RALGAPA2: variants seen among roughly 807,000 people sequenced by gnomAD.
The protein encoded by RALGAPA2 is Ral GTPase activating protein catalytic subunit alpha 2, also known as ral GTPase-activating protein subunit alpha-2.
A neutral mutation model predicts 230.4 loss-of-function variants in RALGAPA2; 139 were observed. The ratio of observed to expected loss-of-function variants is 0.60; its 90% CI spans 0.53 to 0.69. The LOEUF (loss-of-function observed/expected upper bound fraction) is 0.69. Among genes scored for constraint, RALGAPA2 ranks in the 30% least tolerant of loss-of-function variants. The probability of loss-of-function intolerance (pLI) is 0.00; values close to 1 mark genes in which losing one functional copy is unlikely to be tolerated. For missense variants in RALGAPA2, 2,163 were observed against 2,276.0 expected (o/e 0.95, Z 1.01); for synonymous variants, 847 against 837.8 (o/e 1.01, Z -0.19).
chr20:20,568,988 A>G (rs775892681), intron 23 of RALGAPA2, among the ~76,000 whole-genome samples: 1 of 152,224 alleles, frequency 6.6e-6, no homozygotes, highest in Non-Finnish European at 1.5e-5. Flanking sequence ...CTCACAAAAT[A>G]GAAAGAAGCC....
At chr20:20,553,268 G>A (rs1322804645) in intron 23 of RALGAPA2, among the ~76,000 whole-genome samples, 2 of 152,174 alleles carry the variant, frequency 1.3e-5, no homozygotes, top group Non-Finnish European at 2.9e-5. Flanking sequence ...AAATTGCCTA[G>A]TGGCAGGGCA....
intron 1 of RALGAPA2, among the ~76,000 whole-genome samples, chr20:20,683,437 C>G (rs998515163): frequency 3.9e-5 from 6 of 152,178 alleles, no homozygotes; most frequent in African/African-American, 1.4e-4. Context: ...CCTGATTTCC[C>G]CCACTCAACA....
At position 20,712,274 on chromosome 20, in the gene RALGAPA2, C is replaced by A; in HGVS notation, c.106+101G>T. ...GGGGGTCGGACGCCCACCCATCCCC[C>A]TCCCCAGCCTCCCAGCCACCGACCC... On this transcript the variant is annotated intron_variant, in intron 1 of 39. Transcript: ENST00000202677. This position sits in a 1 kb window ranked among gnomAD's most constrained non-coding sequence, Gnocchi z 5.5. 22 of 972,126 alleles carry A rather than the reference C, an allele frequency of 2.3e-5. No homozygotes were observed. The highest frequency in any genetic ancestry group is 4.1e-5 in the East Asian group (1 of 24,366). The allele number at this position is 972,126 out of a possible 1,614,324, so 60.2% of individuals were successfully genotyped here. A position where few individuals can be genotyped will look rare whatever the true frequency, so the allele number is the denominator to read the frequency against.
intron 3 of RALGAPA2, among the ~76,000 whole-genome samples, chr20:20,664,271 T>C (rs1217685125): frequency 6.6e-6 from 1 of 152,186 alleles, no homozygotes; most frequent in Non-Finnish European, 1.5e-5. Flanking sequence ...GTACAAAAAA[T>C]GCAACCTTCA....
At chr20:20,574,967 G>C (rs2064772987) in intron 20 of RALGAPA2, among the ~76,000 whole-genome samples, 1 of 152,094 alleles carries the variant, frequency 6.6e-6, no homozygotes, top group South Asian at 2.1e-4. Flanking sequence ...CTTCCATGTT[G>C]TTTAATGTAG....
At chr20:20,711,590 G>T (rs554281138) in intron 1 of RALGAPA2, among the ~76,000 whole-genome samples, 7 of 152,240 alleles carry the variant, frequency 4.6e-5, no homozygotes, top group Admixed American at 2.0e-4. Flanking sequence ...TTCATCACAG[G>T]TCAACTCCAA....
chr20:20,407,518 G>A lies in RALGAPA2; in HGVS notation c.5617+4509C>T, dbSNP rs114369112. On this transcript the variant is annotated intron_variant, in intron 38 of 39. Coordinates refer to ENST00000202677, the MANE Select transcript of RALGAPA2 (RefSeq NM_020343.4). ...GGAGGCCTTAGCAAGCAAAAGCTGGGTGTAGCCATATCCCTCTGGGCAAAG... is the reference window on the plus strand; with the variant it reads ...GGAGGCCTTAGCAAGCAAAAGCTGGATGTAGCCATATCCCTCTGGGCAAAG... Among the ~76,000 whole-genome samples the A allele has an allele frequency of 4.9e-3, 744 of 152,356 alleles. 2 individuals are homozygous for A. The highest frequency in any genetic ancestry group is 0.017 in the African/African-American group (692 of 41,574).
chr20:20,480,965 C>T (rs1168653034), intron 36 of RALGAPA2, among the ~76,000 whole-genome samples: 2 of 152,178 alleles, frequency 1.3e-5, no homozygotes, highest in Non-Finnish European at 2.9e-5. Flanking sequence ...TTAGGAGCTG[C>T]TTGTGGAGCC....
At chr20:20,683,275 C>T (rs1260856972) in intron 1 of RALGAPA2, among the ~76,000 whole-genome samples, 1 of 152,186 alleles carries the variant, frequency 6.6e-6, no homozygotes, top group East Asian at 1.9e-4. Context: ...GCCTGGGTTC[C>T]CTGCTTCCAC....
intron 13 of RALGAPA2, among the ~76,000 whole-genome samples, chr20:20,615,262 G>A (rs2066102280): frequency 6.6e-6 from 1 of 151,532 alleles, no homozygotes; most frequent in African/African-American, 2.4e-5. Context: ...CCGGGTTCAA[G>A]CGATTCTCCT....
intron 4 of RALGAPA2, among the ~76,000 whole-genome samples, chr20:20,648,101 GAATA>G (rs376498635): frequency 5.2e-4 from 79 of 152,196 alleles, no homozygotes; most frequent in African/African-American, 1.8e-3. Flanking sequence ...ATCAATACCT[GAATA>G]AATTATGGAA....
intron 37 of RALGAPA2, among the ~76,000 whole-genome samples, chr20:20,434,929 A>G (rs148430818): frequency 1.3e-3 from 202 of 152,312 alleles, no homozygotes; most frequent in African/African-American, 4.7e-3. Flanking sequence ...CAGTGAGACC[A>G]TGTCTCAAAA....
At position 20,513,248 on chromosome 20, in the gene RALGAPA2, G is replaced by A; in HGVS notation, c.4121C>T (p.Thr1374Ile). Residue 1374 changes from threonine (T) to isoleucine (I), a missense_variant, in exon 32 of 40, where the codon ACT becomes ATT. By Grantham distance (89) the Thr-to-Ile change is moderately conservative. Transcript: ENST00000202677. ...CAGGTGGGCCATCACCATTCGAGCA[G>A]TCAAAGGGATCAACTCCAAACTTCT... The part of the protein sequence containing the change: ...KRRSLELIPL[T>I]ARMVMAHLVN... 6.7e-7 allele frequency: 1 copy of A among 1,493,854 alleles called. No homozygotes were observed. Among genetic ancestry groups the A allele is most frequent in the Non-Finnish European group, 8.9e-7 (1 of 1,123,060 alleles). 92.5% of individuals were successfully genotyped at this position (1,493,854 alleles called of 1,614,324 possible).
At position 20,584,731 on chromosome 20, in the gene RALGAPA2, T is replaced by C. The variant is rs867190769; in HGVS notation, c.2530+134A>G. 4 of 627,498 alleles carry C rather than the reference T, an allele frequency of 6.4e-6. No homozygotes were observed. The South Asian group carries it at 8.2e-5, about 13-fold the overall frequency. 38.9% of individuals were successfully genotyped at this position (627,498 alleles called of 1,614,324 possible). A position where few individuals can be genotyped will look rare whatever the true frequency, so the allele number is the denominator to read the frequency against. Reference sequence around the variant, plus strand: ...GGGAGGTTGAGGCTGCAGTGAGCCATGATTGTGCCAGAGCACTCCAGCCTG... The same window carrying C: ...GGGAGGTTGAGGCTGCAGTGAGCCACGATTGTGCCAGAGCACTCCAGCCTG... On this transcript the variant is annotated intron_variant, in intron 19 of 39. Coordinates refer to ENST00000202677, the MANE Select transcript of RALGAPA2 (RefSeq NM_020343.4).
chr20:20,461,778 C>G (rs2061307338), intron 37 of RALGAPA2, among the ~76,000 whole-genome samples: 1 of 152,184 alleles, frequency 6.6e-6, no homozygotes, highest in South Asian at 2.1e-4. Context: ...CCTGCCCTAC[C>G]CTTTGTGGAG....
intron 37 of RALGAPA2, among the ~76,000 whole-genome samples, chr20:20,448,687 T>C (rs2060919314): frequency 2.0e-5 from 3 of 152,172 alleles, no homozygotes; most frequent in Admixed American, 2.0e-4. Context: ...CATTCAAGCA[T>C]TTCTACAACT....
At chr20:20,619,453 C>T (rs779708390) in intron 11 of RALGAPA2, 39 bp from the exon 12 acceptor site, 17 of 1,447,700 alleles carry the variant, frequency 1.2e-5, no homozygotes, top group African/African-American at 2.8e-5. Flanking sequence ...GTGGAAGATG[C>T]ACGTGTTTAA....
intron 37 of RALGAPA2, among the ~76,000 whole-genome samples, chr20:20,436,466 T>C (rs1172375555): frequency 6.6e-6 from 1 of 152,100 alleles, no homozygotes; most frequent in East Asian, 1.9e-4. Flanking sequence ...ATCCCTAATA[T>C]GAAGAAAAAA....
chr20:20,607,392 G>A (rs532631974), intron 14 of RALGAPA2, among the ~76,000 whole-genome samples: 1 of 152,150 alleles, frequency 6.6e-6, no homozygotes, highest in South Asian at 2.1e-4. Context: ...TAAAAAACAA[G>A]ATATTAACCA....
Sources: allele counts gnomAD v4.1 joint callset (sites outside exome capture counted in the v4.1 genomes callset), GRCh38; gene constraint gnomAD v4.1.1; non-coding constraint Gnocchi (gnomAD v3.1); transcripts MANE v1.5; gene names NCBI Gene and HGNC (gene_info 2026-07-23, HGNC 2026-07-21).